Variants in TRAM2 observed in about 807,000 individuals in gnomAD.
The protein encoded by TRAM2 is translocation associated membrane protein 2, also known as translocating chain-associated membrane protein 2.
Under a neutral mutation model 51.0 loss-of-function variants are expected in TRAM2, and 12 were observed. That is an observed-to-expected ratio of 0.24 (90% CI 0.15 to 0.38). The LOEUF (loss-of-function observed/expected upper bound fraction) is 0.38. Among genes scored for constraint, TRAM2 ranks in the 10% least tolerant of loss-of-function variants. TRAM2 has a pLI of 1.00. For missense variants in TRAM2, 361 were observed against 462.0 expected (o/e 0.78, Z 2.00); for synonymous variants, 175 against 179.4 (o/e 0.98, Z 0.20).
intron 4 of TRAM2, among the ~76,000 whole-genome samples, chr6:52,511,607 A>C (rs576218724): frequency 6.6e-6 from 1 of 152,332 alleles, no homozygotes; most frequent in South Asian, 2.1e-4. Flanking sequence ...AGTAAGAAGC[A>C]TTCTAGGTTA....
chr6:52,516,492 C>A, intron 3 of TRAM2, 136 bp downstream of exon 3: 1 of 705,410 alleles, frequency 1.4e-6, no homozygotes. Context: ...TGAAGGAAGC[C>A]CAGGCAATAG....
intron 1 of TRAM2, among the ~76,000 whole-genome samples, chr6:52,570,798 C>T (rs564929633): frequency 6.1e-5 from 7 of 114,588 alleles, no homozygotes; most frequent in South Asian, 3.8e-4. Flanking sequence ...GCCCACCACC[C>T]CCCCCCCCAC....
rs529659744 is a variant in TRAM2 at position 52,523,222 on chromosome 6, T to C, written c.185-6485A>G. 12 of 284,928 alleles carry C rather than the reference T, an allele frequency of 4.2e-5. No homozygotes were observed. The East Asian group carries it at 7.4e-4, about 18-fold the overall frequency. The allele number at this position is 284,928 out of a possible 1,614,324, so 17.6% of individuals were successfully genotyped here. A position where few individuals can be genotyped will look rare whatever the true frequency, so the allele number is the denominator to read the frequency against. ...TTGAATTTTTTACACTATATATAAATCCAGAATTAGATATGGAAACACCAC... is the reference window on the plus strand; with the variant it reads ...TTGAATTTTTTACACTATATATAAACCCAGAATTAGATATGGAAACACCAC... On this transcript the variant is annotated intron_variant, in intron 2 of 10. Coordinates refer to ENST00000182527, the MANE Select transcript of TRAM2 (RefSeq NM_012288.4).
intron 1 of TRAM2, among the ~76,000 whole-genome samples, chr6:52,538,736 T>G (rs1767017226): frequency 6.6e-6 from 1 of 152,174 alleles, no homozygotes; most frequent in African/African-American, 2.4e-5. Context: ...GTCTGAGAAC[T>G]TTTGCATTTT....
At chr6:52,554,722 TA>T (rs1263132867) in intron 1 of TRAM2, among the ~76,000 whole-genome samples, 1 of 151,750 alleles carries the variant, frequency 6.6e-6, no homozygotes, top group Non-Finnish European at 1.5e-5. Context: ...CTTGTGTAGT[TA>T]ATGTCTAGAA....
chr6:52,512,806 A>G (rs1019696951), intron 4 of TRAM2, among the ~76,000 whole-genome samples: 2 of 152,224 alleles, frequency 1.3e-5, no homozygotes, highest in African/African-American at 4.8e-5. Context: ...AAATTCAGAC[A>G]TACCTTATAT....
At chr6:52,540,551 CAG>C (rs1767059300) in intron 1 of TRAM2, among the ~76,000 whole-genome samples, 1 of 152,158 alleles carries the variant, frequency 6.6e-6, no homozygotes, top group Non-Finnish European at 1.5e-5. Context: ...TAGTCAAGAG[CAG>C]ACTTACTTCT....
At position 52,522,468 on chromosome 6, in the gene TRAM2, C is replaced by T. The variant is rs1039272274; in HGVS notation, c.185-5731G>A. Among the ~76,000 whole-genome samples the T allele has an allele frequency of 2.6e-5, 4 of 152,256 alleles. No individual in the cohort carries two copies. In the South Asian group the frequency reaches 8.3e-4, roughly 31 times the overall value. ...TTTAAAAACACTGCATGGGCCAACA[C>T]CAGACTGGCCAAAGAAAACACATCT... On this transcript the variant is annotated intron_variant, in intron 2 of 10. Coordinates refer to ENST00000182527, the MANE Select transcript of TRAM2 (RefSeq NM_012288.4).
chr6:52,567,949 C>T (rs9474249), intron 1 of TRAM2, among the ~76,000 whole-genome samples: 9,474 of 152,288 alleles, frequency 0.062, 778 homozygotes, highest in African/African-American at 0.19. Context: ...AGGTGCCTCT[C>T]TCCTTCTCCT....
chr6:52,564,907 G>C (rs1247723372), intron 1 of TRAM2, among the ~76,000 whole-genome samples: 1 of 152,164 alleles, frequency 6.6e-6, no homozygotes, highest in Non-Finnish European at 1.5e-5. Flanking sequence ...CCTCAAAAAA[G>C]AAATAGCAGT....
intron 2 of TRAM2, among the ~76,000 whole-genome samples, chr6:52,517,866 C>A (rs1766580304): frequency 6.6e-6 from 1 of 152,162 alleles, no homozygotes; most frequent in African/African-American, 2.4e-5. Flanking sequence ...CTCAGCCACC[C>A]TAGACTGGGA....
chr6:52,557,942 G>A (rs1364427988), intron 1 of TRAM2, among the ~76,000 whole-genome samples: 1 of 152,136 alleles, frequency 6.6e-6, no homozygotes, highest in African/African-American at 2.4e-5. Context: ...AATCACAGAA[G>A]TCACTCCTAG....
intron 1 of TRAM2, among the ~76,000 whole-genome samples, chr6:52,565,477 C>G (rs1392661526): frequency 6.6e-6 from 1 of 152,120 alleles, no homozygotes; most frequent in Non-Finnish European, 1.5e-5. Flanking sequence ...ATGCAAACTA[C>G]AGTCATGCAT....
chr6:52,550,890 C>T (rs72929167), intron 1 of TRAM2, among the ~76,000 whole-genome samples: 3,036 of 152,274 alleles, frequency 0.02, 36 homozygotes, highest in South Asian at 0.036. Flanking sequence ...TTTAAACCAG[C>T]AAAATTATCC....
chr6:52,531,176 AT>A (rs1246183106), intron 2 of TRAM2, among the ~76,000 whole-genome samples: 2 of 149,502 alleles, frequency 1.3e-5, no homozygotes, highest in African/African-American at 4.9e-5. Context: ...ATCTAAGGAG[AT>A]TTTGGGGAGG....
Position 52,503,096 on chromosome 6 carries a change from G to T in TRAM2, c.*101C>A. 2.0e-6 allele frequency: 2 copies of T among 1,000,310 alleles called. No individual in the cohort carries two copies. The highest frequency in any genetic ancestry group is 3.2e-6 in the Non-Finnish European group (2 of 629,716). The allele number at this position is 1,000,310 out of a possible 1,614,324, so 62.0% of individuals were successfully genotyped here. A position where few individuals can be genotyped will look rare whatever the true frequency, so the allele number is the denominator to read the frequency against. On this transcript the variant is annotated 3_prime_UTR_variant, in exon 11 of 11. Transcript: ENST00000182527. The stretch of plus-strand genomic sequence containing the variant: ...AAGACAGGTTTCGGCTGTTTGAGAC[G>T]GAGCATCACAGGCAGGAAGGAGGAG...
Position 52,502,943 on chromosome 6 carries a change from A to G in TRAM2, c.*254T>C. On this transcript the variant is annotated 3_prime_UTR_variant, in exon 11 of 11. Coordinates refer to ENST00000182527, the MANE Select transcript of TRAM2 (RefSeq NM_012288.4). ...CGTTCCAGAAAAGCCAGCACAGGAC[A>G]GGAGTGAGGACAGGAGGTGGCCTGA... is the stretch of plus-strand genomic sequence containing the variant. The G allele has an allele frequency of 1.8e-6, 1 of 563,604 alleles. No homozygotes were observed. The highest frequency in any genetic ancestry group is 3.2e-6 in the Non-Finnish European group (1 of 316,266). The allele number at this position is 563,604 out of a possible 1,614,324, so 34.9% of individuals were successfully genotyped here. A position where few individuals can be genotyped will look rare whatever the true frequency, so the allele number is the denominator to read the frequency against.
In TRAM2 at chr6:52,539,976, TTC is replaced by T. The variant is rs1418227450; in HGVS notation, c.121-4132_121-4131del. On this transcript the variant is annotated intron_variant, in intron 1 of 10. Coordinates refer to ENST00000182527, the MANE Select transcript of TRAM2 (RefSeq NM_012288.4). ...TGCTTAACATGTTTTCTGAACATGA[TTC>T]TGAGAGAACAGGATCTACGGCCATA... Among the ~76,000 whole-genome samples, 3 of 152,178 alleles carry T rather than the reference TTC, an allele frequency of 2.0e-5. No homozygotes were observed. The East Asian group carries it at 5.8e-4, about 29-fold the overall frequency.
intron 1 of TRAM2, among the ~76,000 whole-genome samples, chr6:52,549,770 A>G (rs1317294484): frequency 6.6e-6 from 1 of 152,194 alleles, no homozygotes. Flanking sequence ...AAAAGATGGA[A>G]GTGGAAGCAT....
Sources: gnomAD v4.1 joint callset for allele counts (sites outside exome capture counted in the v4.1 genomes callset) on GRCh38, gnomAD v4.1.1 for gene constraint, MANE v1.5 for transcripts, NCBI Gene and HGNC (gene_info 2026-07-23, HGNC 2026-07-21) for gene names.